Variants in BBS7 observed in about 807,000 individuals in gnomAD.
The protein encoded by BBS7 is Bardet-Biedl syndrome 7, also known as BBSome complex member BBS7.
BBS7 carries 50 observed loss-of-function variants against 90.3 expected under a neutral mutation model. The observed-to-expected ratio is 0.55, with a 90% confidence interval of 0.44 to 0.70. The LOEUF is 0.70. Among genes scored for constraint, BBS7 ranks in the 30% least tolerant of loss-of-function variants. The probability of loss-of-function intolerance (pLI) is 0.00; values close to 1 mark genes in which losing one functional copy is unlikely to be tolerated. For missense variants in BBS7, 729 were observed against 838.9 expected (o/e 0.87, Z 1.62); for synonymous variants, 235 against 287.4 (o/e 0.82, Z 1.85).
chr4:121,870,426 G>A lies in BBS7; in HGVS notation c.-113C>T, dbSNP rs1015194177. On this transcript the variant is annotated 5_prime_UTR_variant, in exon 1 of 19. Coordinates refer to ENST00000264499, the MANE Select transcript of BBS7 (RefSeq NM_176824.3). ...GGCTGCCCGCGCCCCTCAAAAGCCAGCCCCAGCTACCGCGCCTAGGTCCTG... is the reference window on the plus strand; with the variant it reads ...GGCTGCCCGCGCCCCTCAAAAGCCAACCCCAGCTACCGCGCCTAGGTCCTG... The A allele has an allele frequency of 3.1e-6, 4 of 1,275,732 alleles. No homozygotes were observed. In the African/African-American group the frequency reaches 4.4e-5, roughly 14 times the overall value. The allele number at this position is 1,275,732 out of a possible 1,614,324, so 79.0% of individuals were successfully genotyped here.
At chr4:121,866,479 G>A (rs1727281017) in intron 2 of BBS7, among the ~76,000 whole-genome samples, 1 of 152,110 alleles carries the variant, frequency 6.6e-6, no homozygotes, top group Non-Finnish European at 1.5e-5. Context: ...TGGCCAGGCT[G>A]GTCTTGAACT....
rs533264149 is a variant in BBS7, at chr4:121,827,887, A to G, written c.2014+259T>C. On this transcript the variant is annotated intron_variant, in intron 18 of 18. Transcript: ENST00000264499. ...TTTTATACCAGGTTTGTTCATATATATAGATTAATTCATCACAGTATACTT... is the reference window on the plus strand; with the variant it reads ...TTTTATACCAGGTTTGTTCATATATGTAGATTAATTCATCACAGTATACTT... 168 of 1,176,082 alleles carry G rather than the reference A, an allele frequency of 1.4e-4. 2 individuals are homozygous for G. The African/African-American group carries it at 2.3e-3, about 16-fold the overall frequency. 72.9% of individuals were successfully genotyped at this position (1,176,082 alleles called of 1,614,324 possible). A position where few individuals can be genotyped will look rare whatever the true frequency, so the allele number is the denominator to read the frequency against.
At chr4:121,850,325 T>C (rs1262034125) in intron 8 of BBS7, among the ~76,000 whole-genome samples, 1 of 151,876 alleles carries the variant, frequency 6.6e-6, no homozygotes, top group African/African-American at 2.4e-5. Context: ...CCACCATGCC[T>C]AGCTAATTTT....
At position 121,855,469 on chromosome 4, in the gene BBS7, A is replaced by AAAAAT; in HGVS notation, c.601+15_601+19dup. 1 of 1,607,610 alleles carries AAAAAT rather than the reference A, an allele frequency of 6.2e-7. No individual in the cohort carries two copies. The highest frequency in any genetic ancestry group is 8.5e-7 in the Non-Finnish European group (1 of 1,174,320). On this transcript the variant is annotated intron_variant, in intron 6 of 18. Coordinates refer to ENST00000264499, the MANE Select transcript of BBS7 (RefSeq NM_176824.3). ...TATTAAAACACATAGTTGATTTGTG[A>AAAAAT]AAAATAAAATCCTGATTACCGCCAT...
At position 121,844,013 on chromosome 4, in the gene BBS7, AT is replaced by A. The variant is rs780269554; in HGVS notation, c.1231-13del. 1 of 1,539,258 alleles carries A rather than the reference AT, an allele frequency of 6.5e-7. No homozygotes were observed. The highest frequency in any genetic ancestry group is 8.9e-7 in the Non-Finnish European group (1 of 1,124,444). On this transcript the variant is annotated splice_polypyrimidine_tract_variant and intron_variant, in intron 11 of 18. Transcript: ENST00000264499. ...ATTGGAACATCACTCTATAGTCAAT[AT>A]TAAAAAAAAAGAAGGTTGAGATGGA...
chr4:121,847,531 CA>C, intron 9 of BBS7, 25 bp from the exon 10 acceptor site: 1 of 1,487,030 alleles, frequency 6.7e-7, no homozygotes, highest in African/African-American at 1.4e-5. Flanking sequence ...TACAATCACG[CA>C]CCACTTAGTA....
chr4:121,869,696 A>G lies in BBS7; in HGVS notation c.36+582T>C, dbSNP rs1317196759. On this transcript the variant is annotated intron_variant, in intron 1 of 18. Coordinates refer to ENST00000264499, the MANE Select transcript of BBS7 (RefSeq NM_176824.3). ...TGGGATTACAGGCGCCCGCCACCAC[A>G]CCGGGCTAATTTTTGTACTTTTTGT... Among the ~76,000 whole-genome samples, 60 of 151,750 alleles carry G rather than the reference A, an allele frequency of 4.0e-4. 1 individual carries two copies. The highest frequency in any genetic ancestry group is 3.9e-3 in the Admixed American group (60 of 15,258).
chr4:121,852,866 T>A lies in BBS7; in HGVS notation c.849+90A>T. The A allele has an allele frequency of 3.0e-6, 4 of 1,322,516 alleles. No individual in the cohort carries two copies. In the South Asian group the frequency reaches 3.8e-5, roughly 13 times the overall value. 81.9% of individuals were successfully genotyped at this position (1,322,516 alleles called of 1,614,324 possible). ...TTTTAAACCAAACACAAGATTTTAA[T>A]ATATTTTCACTTAATAAAATTCAAA... On this transcript the variant is annotated intron_variant, in intron 8 of 18. Transcript: ENST00000264499.
chr4:121,859,117 A>G lies in BBS7; in HGVS notation c.403T>C (p.Cys135Arg), dbSNP rs748093313. The G allele has an allele frequency of 1.9e-6, 3 of 1,613,928 alleles. No individual in the cohort carries two copies. Among genetic ancestry groups the G allele is most frequent in the Admixed American group, 3.3e-5 (2 of 60,022 alleles). ...ASYIYNHYCD[C>R]KDQHYYLSGD... ...GAAAGGTAATAATGTTGGTCTTTGC[A>G]GTCACAATAATGGTTATAGATGTAA... The change falls in exon 5 of 19, where the codon TGC becomes CGC. Residue 135 changes from cysteine to arginine, a missense_variant. By Grantham distance (180) the Cys-to-Arg change is radical. Transcript: ENST00000264499.
intron 10 of BBS7, 137 bp downstream of exon 10, chr4:121,847,267 T>C (rs1328006770): frequency 1.4e-5 from 9 of 637,750 alleles, no homozygotes; most frequent in Non-Finnish European, 2.2e-5. Context: ...AACTGTAAAC[T>C]TCCATTTTAA....
chr4:121,870,189 C>T (rs1157146074), intron 1 of BBS7, 89 bp downstream of exon 1: 4 of 1,564,100 alleles, frequency 2.6e-6, no homozygotes, highest in Non-Finnish European at 3.5e-6. Flanking sequence ...CAGCTCCTGG[C>T]GACCGAGACT....
At chr4:121,851,399 GA>G (rs1192831811) in intron 8 of BBS7, among the ~76,000 whole-genome samples, 2 of 101,430 alleles carry the variant, frequency 2.0e-5, no homozygotes, top group African/African-American at 3.7e-5. Flanking sequence ...AAAAAGAAAG[GA>G]AAAAAGGAAG....
chr4:121,847,716 T>C (rs1199546439), intron 9 of BBS7, among the ~76,000 whole-genome samples: 2 of 150,856 alleles, frequency 1.3e-5, no homozygotes, highest in Non-Finnish European at 2.9e-5. Context: ...CATTTCACGA[T>C]ATCATTTTTT....
At chr4:121,866,167 G>A (rs1029062895) in intron 2 of BBS7, among the ~76,000 whole-genome samples, 1 of 152,072 alleles carries the variant, frequency 6.6e-6, no homozygotes, top group African/African-American at 2.4e-5. Context: ...CCATTCTATA[G>A]ATTGTCTTTT....
At chr4:121,840,552 T>C (rs1260181325) in intron 12 of BBS7, among the ~76,000 whole-genome samples, 3 of 152,252 alleles carry the variant, frequency 2.0e-5, no homozygotes, top group Admixed American at 2.0e-4. Flanking sequence ...GCTTAATACA[T>C]GTTTGTTGAA....
At position 121,828,394 on chromosome 4, in the gene BBS7, G is replaced by A. The variant is rs1560638315; in HGVS notation, c.1890+8C>T. On this transcript the variant is annotated splice_region_variant and intron_variant, in intron 17 of 18. Coordinates refer to ENST00000264499, the MANE Select transcript of BBS7 (RefSeq NM_176824.3). ...TAATCACCAGTCCACGACGACACATGTACTTACTTTTAAAGCATCAATTAA... is the reference window on the plus strand; with the variant it reads ...TAATCACCAGTCCACGACGACACATATACTTACTTTTAAAGCATCAATTAA... 3.1e-6 allele frequency: 5 copies of A among 1,609,488 alleles called. No individual in the cohort carries two copies. The highest frequency in any genetic ancestry group is 4.3e-6 in the Non-Finnish European group (5 of 1,175,994).
intron 5 of BBS7, 68 bp from the exon 6 acceptor site, chr4:121,855,629 A>T (rs1560660760): frequency 1.5e-6 from 2 of 1,306,076 alleles, no homozygotes; most frequent in Non-Finnish European, 2.2e-6. Context: ...TTCATGAATA[A>T]CATCAATATT....
chr4:121,861,261 C>T (rs1434234521), intron 4 of BBS7: 3 of 340,880 alleles, frequency 8.8e-6, no homozygotes, highest in East Asian at 5.6e-5. Context: ...ATACCTTGAT[C>T]ATGAATCAAA....
intron 13 of BBS7, among the ~76,000 whole-genome samples, chr4:121,837,208 C>T (rs1725504437): frequency 6.6e-6 from 1 of 152,108 alleles, no homozygotes; most frequent in Non-Finnish European, 1.5e-5. Flanking sequence ...CTCAAGTGAT[C>T]CGCCTGCCTT....
Sources: allele counts gnomAD v4.1 joint callset (sites outside exome capture counted in the v4.1 genomes callset), GRCh38; gene constraint gnomAD v4.1.1; transcripts MANE v1.5; gene names NCBI Gene and HGNC (gene_info 2026-07-23, HGNC 2026-07-21).